The following CACNA1B variants were observed in gnomAD, a reference collection of about 807,000 sequenced individuals.
CACNA1B encodes voltage-dependent N-type calcium channel subunit alpha-1B.
CACNA1B carries 70 observed loss-of-function variants against 247.2 expected under a neutral mutation model. That is an observed-to-expected ratio of 0.28 (90% CI 0.23 to 0.35). The LOEUF (loss-of-function observed/expected upper bound fraction) is 0.35. Ranked by LOEUF, CACNA1B falls within the 10% of genes least tolerant of loss-of-function variation. The pLI is 1.00. For synonymous variants in CACNA1B, 1,231 were observed against 1,294.4 expected, an observed-to-expected ratio of 0.95 and a Z score of 1.05; for missense variants, 2,367 against 3,197.4, an observed-to-expected ratio of 0.74 and a Z score of 6.26.
In CACNA1B at chr9:138,052,147, C is replaced by T; in HGVS notation, c.3766C>T (p.Leu1256=). ...CAAGTCTCTGAGAGTCCTTCGTGTC[C>T]TGCGGCCCCTCAAGACCATCAAACG... ...TIKSLRVLRV[L]RPLKTIKRLP... Residue 1256 remains leucine, a synonymous_variant, in exon 25 of 47, where the codon CTG becomes TTG. Coordinates refer to ENST00000371372, the MANE Select transcript of CACNA1B (RefSeq NM_000718.4). This position sits in a 1 kb window ranked among gnomAD's most constrained non-coding sequence, Gnocchi z 5.1. 6 of 1,612,590 alleles carry T rather than the reference C, an allele frequency of 3.7e-6. No individual in the cohort carries two copies. Among genetic ancestry groups the T allele is most frequent in the Non-Finnish European group, 5.1e-6 (6 of 1,179,116 alleles).
At chr9:138,030,314 G>A (rs1256316437) in intron 20 of CACNA1B, among the ~76,000 whole-genome samples, 1 of 151,788 alleles carries the variant, frequency 6.6e-6, no homozygotes, top group Non-Finnish European at 1.5e-5. Context: ...GTGGTGAGTG[G>A]ATGAATATTG....
chr9:138,047,355 G>A (rs201420647), intron 22 of CACNA1B, 44 bp from the exon 23 acceptor site: 308 of 1,496,272 alleles, frequency 2.1e-4, no homozygotes, highest in Middle Eastern at 1.9e-3. Context: ...CCCTGGCTCA[G>A]ATTTCAGCCC....
intron 3 of CACNA1B, among the ~76,000 whole-genome samples, chr9:137,902,028 G>C (rs1294440639): frequency 1.3e-5 from 2 of 152,084 alleles, no homozygotes; most frequent in Non-Finnish European, 2.9e-5. Context: ...GCCACCACTG[G>C]ATATATTTTC....
intron 3 of CACNA1B, chr9:137,892,368 C>A: frequency 2.2e-6 from 1 of 456,630 alleles, no homozygotes; most frequent in Non-Finnish European, 4.4e-6. Context: ...GACCCCAGAC[C>A]CTGGGGCAGG....
intron 39 of CACNA1B, among the ~76,000 whole-genome samples, chr9:138,107,254 ATTTAT>A (rs1961462004): frequency 9.7e-6 from 1 of 103,358 alleles, no homozygotes; most frequent in Non-Finnish European, 2.0e-5. Flanking sequence ...TTATTTATTT[ATTTAT>A]TTATTTATAT....
chr9:137,928,166 T>C (rs6559256), intron 6 of CACNA1B, among the ~76,000 whole-genome samples: 63,700 of 152,068 alleles, frequency 0.42, 16,780 homozygotes, highest in African/African-American at 0.74. Context: ...GTTGTGATCT[T>C]GGCTCACTGC....
rs541021081 is a variant in CACNA1B at position 137,903,092 on chromosome 9, CTA to C, written c.531-10086_531-10085del. Among the ~76,000 whole-genome samples, 124 of 152,232 alleles carry C rather than the reference CTA, an allele frequency of 8.1e-4. 1 individual carries two copies. Among genetic ancestry groups the C allele is most frequent in the African/African-American group, 2.9e-3 (122 of 41,534 alleles). Reference sequence around the variant, plus strand: ...AGCTTTGTTTTTCCTGTAAATTATACTATTAAAAAACTCTTCACCGGTGGCTC... The same window carrying C: ...AGCTTTGTTTTTCCTGTAAATTATACTTAAAAAACTCTTCACCGGTGGCTC... On this transcript the variant is annotated intron_variant, in intron 3 of 46. Transcript: ENST00000371372.
chr9:138,043,801 C>G lies in CACNA1B; in HGVS notation c.3314C>G (p.Ala1105Gly). 1 of 1,613,914 alleles carries G rather than the reference C, an allele frequency of 6.2e-7. No homozygotes were observed. The highest frequency in any genetic ancestry group is 8.5e-7 in the Non-Finnish European group (1 of 1,179,856). ...PSGNVDLESQ[A>G]EGKKEVEADD... is the part of the protein sequence containing the mutation. ...GGTAACGTGGACCTGGAAAGCCAAGCAGAGGGGAAGAAGGAGGTGGAAGCG... is the reference window on the plus strand; with the variant it reads ...GGTAACGTGGACCTGGAAAGCCAAGGAGAGGGGAAGAAGGAGGTGGAAGCG... The change falls in exon 21 of 47, where the codon GCA becomes GGA. Residue 1105 changes from alanine to glycine, a missense_variant. Ala to Gly is a moderately conservative substitution (Grantham distance 60). Around this residue, in one of 12 missense-constraint regions of CACNA1B, gnomAD observed 631 missense variants for 631.1 expected, o/e 1.00. Transcript: ENST00000371372.
intron 6 of CACNA1B, among the ~76,000 whole-genome samples, chr9:137,934,387 G>A (rs547955050): frequency 3.9e-5 from 6 of 152,196 alleles, no homozygotes; most frequent in Admixed American, 6.5e-5. Context: ...GTTTTAACAA[G>A]TACCTGATTT....
intron 20 of CACNA1B, among the ~76,000 whole-genome samples, chr9:138,035,562 T>A (rs539803207): frequency 6.6e-6 from 1 of 152,304 alleles, no homozygotes; most frequent in African/African-American, 2.4e-5. Context: ...TGTGGCCACT[T>A]TTATATTTCT....
intron 39 of CACNA1B, among the ~76,000 whole-genome samples, chr9:138,111,229 G>A (rs994653475): frequency 6.6e-6 from 1 of 152,142 alleles, no homozygotes; most frequent in African/African-American, 2.4e-5. Context: ...ATTCAAAATT[G>A]CCCCAAACTG....
At chr9:138,088,463 AAGG>A (rs931138114) in intron 36 of CACNA1B, among the ~76,000 whole-genome samples, 1 of 152,192 alleles carries the variant, frequency 6.6e-6, no homozygotes, top group African/African-American at 2.4e-5. Flanking sequence ...AGAAGTAAAA[AAGG>A]AGACATTACA....
At position 137,919,178 on chromosome 9, in the gene CACNA1B, C is replaced by A. The variant is rs1957449317; in HGVS notation, c.966+1747C>A. ...CCATCCTGGGGCAGGCAGCACTGGCCAGGAGGGGCCACAGAGGTTTCAGCC... is the reference window on the plus strand; with the variant it reads ...CCATCCTGGGGCAGGCAGCACTGGCAAGGAGGGGCCACAGAGGTTTCAGCC... On this transcript the variant is annotated intron_variant, in intron 6 of 46. Coordinates refer to ENST00000371372, the MANE Select transcript of CACNA1B (RefSeq NM_000718.4). The surrounding 1 kb of genome is among the most constrained non-coding windows in gnomAD (Gnocchi z 4.6). Among the ~76,000 whole-genome samples the A allele has an allele frequency of 6.6e-6, 1 of 152,220 alleles. No individual in the cohort carries two copies. Among genetic ancestry groups the A allele is most frequent in the Non-Finnish European group, 1.5e-5 (1 of 68,034 alleles).
chr9:137,878,644 A>G (rs1367649397), intron 1 of CACNA1B, among the ~76,000 whole-genome samples: 5 of 152,128 alleles, frequency 3.3e-5, no homozygotes, highest in South Asian at 2.1e-4. Context: ...GGCTACATGC[A>G]TGTTCACGTG....
chr9:137,918,992 T>C (rs1957447863), intron 6 of CACNA1B, among the ~76,000 whole-genome samples: 1 of 152,138 alleles, frequency 6.6e-6, no homozygotes, highest in Non-Finnish European at 1.5e-5. Context: ...TAAAAATAGC[T>C]CTGAGCTGGC....
In CACNA1B at chr9:137,957,552, G is replaced by T. The variant is rs202245226; in HGVS notation, c.1244-46G>T. ...CATGCCCCGCTGAGGCAGGTGGCCT[G>T]AGGGCTGCAGCTCAGGCAGTCTCTC... On this transcript the variant is annotated intron_variant, in intron 9 of 46. Coordinates refer to ENST00000371372, the MANE Select transcript of CACNA1B (RefSeq NM_000718.4). The surrounding 1 kb of genome is among the most constrained non-coding windows in gnomAD (Gnocchi z 4.7). The T allele has an allele frequency of 1.8e-5, 26 of 1,459,426 alleles. No individual in the cohort carries two copies. Among genetic ancestry groups the T allele is most frequent in the Non-Finnish European group, 2.3e-5 (25 of 1,077,858 alleles). 90.4% of individuals were successfully genotyped at this position (1,459,426 alleles called of 1,614,324 possible).
chr9:138,060,424 G>A (rs922138018), intron 31 of CACNA1B, among the ~76,000 whole-genome samples: 2 of 152,190 alleles, frequency 1.3e-5, no homozygotes, highest in African/African-American at 4.8e-5. Flanking sequence ...TGGGGAAATG[G>A]GTGGGAAGAG....
intron 6 of CACNA1B, among the ~76,000 whole-genome samples, chr9:137,918,700 C>T (rs944842008): frequency 2.6e-5 from 4 of 152,160 alleles, no homozygotes; most frequent in Non-Finnish European, 5.9e-5. Context: ...TGCCCTGTGC[C>T]TCATGCGTTC....
chr9:137,947,301 G>T (rs528262864), intron 6 of CACNA1B, among the ~76,000 whole-genome samples: 1 of 152,284 alleles, frequency 6.6e-6, no homozygotes, highest in East Asian at 1.9e-4. Flanking sequence ...ACAGTGGAAG[G>T]GGGGTGGGCC....
Sources: allele counts gnomAD v4.1 joint callset (sites outside exome capture counted in the v4.1 genomes callset), GRCh38; gene constraint gnomAD v4.1.1; regional missense constraint gnomAD v4.1.1; non-coding constraint Gnocchi (gnomAD v3.1); transcripts MANE v1.5; gene names NCBI Gene and HGNC (gene_info 2026-07-23, HGNC 2026-07-21).